The following SDK1 variants were observed in gnomAD, a reference collection of about 807,000 sequenced individuals.
SDK1 encodes the protein sidekick cell adhesion molecule 1, also known as protein sidekick-1.
Under a neutral mutation model 245.5 loss-of-function variants are expected in SDK1, and 157 were observed. That is an observed-to-expected ratio of 0.64 (90% CI 0.56 to 0.73). The LOEUF is 0.73. Among genes scored for constraint, SDK1 ranks in the 30% least tolerant of loss-of-function variants. The probability of loss-of-function intolerance (pLI) is 0.00; values close to 1 mark genes in which losing one functional copy is unlikely to be tolerated. For missense variants in SDK1, 3,583 were observed against 3,002.3 expected (o/e 1.19, Z -4.52); for synonymous variants, 1,647 against 1,278.5 (o/e 1.29, Z -6.15).
chr7:3,413,235 G>C (rs1779261903), intron 1 of SDK1, among the ~76,000 whole-genome samples: 1 of 152,138 alleles, frequency 6.6e-6, no homozygotes, highest in Admixed American at 6.5e-5. Context: ...AGTGGTTCTA[G>C]AAACAAACAG....
At chr7:3,757,871 C>G (rs1234681895) in intron 4 of SDK1, among the ~76,000 whole-genome samples, 1 of 152,140 alleles carries the variant, frequency 6.6e-6, no homozygotes, top group East Asian at 1.9e-4. Flanking sequence ...CTAATCAAGG[C>G]TTGGTCTTTC....
chr7:3,554,733 A>G (rs1281271638), intron 1 of SDK1, among the ~76,000 whole-genome samples: 1 of 152,222 alleles, frequency 6.6e-6, no homozygotes. Context: ...AAACAAATTC[A>G]TTATAGTTGC....
At chr7:3,531,552 G>A (rs1783344109) in intron 1 of SDK1, among the ~76,000 whole-genome samples, 1 of 152,154 alleles carries the variant, frequency 6.6e-6, no homozygotes, top group Non-Finnish European at 1.5e-5. Flanking sequence ...TAGTGTGTAA[G>A]TAATTAAATT....
intron 1 of SDK1, among the ~76,000 whole-genome samples, chr7:3,498,446 C>G (rs953171677): frequency 2.0e-5 from 3 of 152,128 alleles, no homozygotes; most frequent in Non-Finnish European, 2.9e-5. Context: ...ATGATAGTAG[C>G]TTTCTCATTG....
intron 4 of SDK1, among the ~76,000 whole-genome samples, chr7:3,646,444 T>C: frequency 6.6e-6 from 1 of 152,234 alleles, no homozygotes; most frequent in Non-Finnish European, 1.5e-5. Flanking sequence ...TAAACATATC[T>C]TCTCTAATCC....
At chr7:3,717,251 G>T (rs1400452894) in intron 4 of SDK1, among the ~76,000 whole-genome samples, 1 of 152,110 alleles carries the variant, frequency 6.6e-6, no homozygotes, top group Admixed American at 6.5e-5. Context: ...AGTATGTTCT[G>T]TAAAAATAAA....
At chr7:3,537,385 G>A (rs967118479) in intron 1 of SDK1, among the ~76,000 whole-genome samples, 3 of 152,128 alleles carry the variant, frequency 2.0e-5, no homozygotes, top group African/African-American at 4.8e-5. Context: ...TCAGGTCCAT[G>A]TGCCCCTGAG....
intron 17 of SDK1, among the ~76,000 whole-genome samples, chr7:4,028,091 G>A (rs950881111): frequency 6.6e-6 from 1 of 152,152 alleles, no homozygotes; most frequent in Non-Finnish European, 1.5e-5. Flanking sequence ...GTGGTTCTCA[G>A]AGATGGTCTG....
Position 4,268,660 on chromosome 7 carries a change from C to T in SDK1, c.*3276C>T, listed in dbSNP as rs185661557. ...TTCGTAGCATGGTTTTTATTTCTTA[C>T]GCATTCTTGGCACACAGTGTAGCTA... On this transcript the variant is annotated 3_prime_UTR_variant, in exon 45 of 45. Transcript: ENST00000404826. 103 of 1,367,748 alleles carry T rather than the reference C, an allele frequency of 7.5e-5. No homozygotes were observed. The highest frequency in any genetic ancestry group is 2.7e-4 in the East Asian group (6 of 21,978). The allele number at this position is 1,367,748 out of a possible 1,614,324, so 84.7% of individuals were successfully genotyped here.
At chr7:3,837,952 G>C (rs769469837) in intron 5 of SDK1, among the ~76,000 whole-genome samples, 8 of 152,156 alleles carry the variant, frequency 5.3e-5, no homozygotes, top group African/African-American at 1.2e-4. Flanking sequence ...GTAAGAGCTT[G>C]TCCTGACCAG....
At chr7:3,395,727 C>G (rs75601199) in intron 1 of SDK1, among the ~76,000 whole-genome samples, 8 of 151,714 alleles carry the variant, frequency 5.3e-5, no homozygotes, top group African/African-American at 1.9e-4. Flanking sequence ...TTTGGTCATT[C>G]GTGACTTTTT....
At position 3,703,360 on chromosome 7, in the gene SDK1, C is replaced by G. The variant is rs1784792075; in HGVS notation, c.713+61255C>G. ...GGAATTACACTGAAAAAAAGCCTGA[C>G]TTGAAAGGTCACATGTTGTATGATT... is the stretch of plus-strand genomic sequence containing the variant. On this transcript the variant is annotated intron_variant, in intron 4 of 44. Transcript: ENST00000404826. 1.3e-5 allele frequency among the ~76,000 whole-genome samples: 2 copies of G among 152,142 alleles called. 1 individual carries two copies. Among genetic ancestry groups the G allele is most frequent in the East Asian group, 3.8e-4 (2 of 5,200 alleles).
At chr7:3,450,372 C>T (rs1010402649) in intron 1 of SDK1, among the ~76,000 whole-genome samples, 1 of 152,066 alleles carries the variant, frequency 6.6e-6, no homozygotes, top group African/African-American at 2.4e-5. Flanking sequence ...TTATTAAGCC[C>T]AGGATCTTGA....
In SDK1 at chr7:3,957,820, C is replaced by A. The variant is rs574576808; in HGVS notation, c.1151-1111C>A. Reference sequence around the variant, plus strand: ...AATATTTCTTCAGGCTTGGTCTGTACACATGAAAACTTAAGTAGAGGAATC... The same window carrying A: ...AATATTTCTTCAGGCTTGGTCTGTAAACATGAAAACTTAAGTAGAGGAATC... On this transcript the variant is annotated intron_variant, in intron 7 of 44. Transcript: ENST00000404826. Among the ~76,000 whole-genome samples the A allele has an allele frequency of 3.3e-5, 5 of 152,316 alleles. No homozygotes were observed. The South Asian group carries it at 1.0e-3, about 32-fold the overall frequency.
At chr7:3,608,640 T>C (rs990799182) in intron 1 of SDK1, among the ~76,000 whole-genome samples, 4 of 152,214 alleles carry the variant, frequency 2.6e-5, no homozygotes, top group Admixed American at 2.6e-4. Flanking sequence ...TTACATTGTA[T>C]AATGAAACGT....
chr7:4,238,644 G>A (rs574181687), intron 42 of SDK1, among the ~76,000 whole-genome samples: 1 of 150,078 alleles, frequency 6.7e-6, no homozygotes. Context: ...CACCTCCTGG[G>A]TTCAAGCAAT....
At chr7:3,354,413 A>G (rs1220266677) in intron 1 of SDK1, among the ~76,000 whole-genome samples, 1 of 152,198 alleles carries the variant, frequency 6.6e-6, no homozygotes, top group Non-Finnish European at 1.5e-5. Context: ...AGTTGAATAT[A>G]AGGAAAAAGT....
At chr7:3,366,673 T>C (rs1781100451) in intron 1 of SDK1, among the ~76,000 whole-genome samples, 2 of 152,206 alleles carry the variant, frequency 1.3e-5, no homozygotes, top group South Asian at 4.1e-4. Context: ...CTTTTGTCTT[T>C]TTGTCAACTG....
intron 4 of SDK1, among the ~76,000 whole-genome samples, chr7:3,645,949 C>A (rs1782821735): frequency 6.6e-6 from 1 of 152,052 alleles, no homozygotes; most frequent in Non-Finnish European, 1.5e-5. Flanking sequence ...ACCTCTGCCT[C>A]CCGAGGTCAA....
Sources: allele counts gnomAD v4.1 joint callset (sites outside exome capture counted in the v4.1 genomes callset), GRCh38; gene constraint gnomAD v4.1.1; transcripts MANE v1.5; gene names NCBI Gene and HGNC (gene_info 2026-07-23, HGNC 2026-07-21).